The following PNLDC1 variants were observed in gnomAD, a reference collection of about 807,000 sequenced individuals.
The protein encoded by PNLDC1 is PARN like ribonuclease domain containing exonuclease 1, also known as poly(A)-specific ribonuclease PNLDC1.
A neutral mutation model predicts 82.0 loss-of-function variants in PNLDC1; 70 were observed. That is an observed-to-expected ratio of 0.85 (90% CI 0.70 to 1.04). The LOEUF (loss-of-function observed/expected upper bound fraction) is 1.04. PNLDC1 is among the 50% of genes least tolerant of loss of function. The pLI is 0.00. For synonymous variants in PNLDC1, 280 were observed against 249.3 expected (o/e 1.12, Z -1.16); for missense variants, 631 against 661.1 (o/e 0.95, Z 0.50).
At chr6:159,818,288 G>A (rs980235741) in intron 15 of PNLDC1, among the ~76,000 whole-genome samples, 7 of 152,202 alleles carry the variant, frequency 4.6e-5, no homozygotes, top group African/African-American at 9.7e-5. Flanking sequence ...GCCTATTGCT[G>A]TTTGTCACCA....
intron 16 of PNLDC1, 121 bp from the exon 17 acceptor site, chr6:159,818,821 ATCCT>A: frequency 9.5e-6 from 12 of 1,260,526 alleles, no homozygotes; most frequent in Non-Finnish European, 1.3e-5. Context: ...ACATGGACTC[ATCCT>A]TCCTTCTCTT....
rs772619096 is a variant in PNLDC1, at chr6:159,809,167, A to G, written c.783+9A>G. ...TGGTGAAAGCCCAGAAGGTAGGAAA[A>G]CATGTCTCTTTTCTTGGCCTAAAGG... On this transcript the variant is annotated intron_variant, in intron 9 of 18. Transcript: ENST00000392167. 6.2e-7 allele frequency: 1 copy of G among 1,613,330 alleles called. No homozygotes were observed. The highest frequency in any genetic ancestry group is 1.1e-5 in the South Asian group (1 of 90,924).
chr6:159,811,583 G>C, intron 10 of PNLDC1, 118 bp from the exon 11 acceptor site: 1 of 739,026 alleles, frequency 1.4e-6, no homozygotes, highest in South Asian at 1.7e-5. Context: ...TTCAATTCCT[G>C]TTTTGTTTCA....
At position 159,816,539 on chromosome 6, in the gene PNLDC1, T is replaced by G. The variant is rs1350835048; in HGVS notation, c.1061-4T>G. On this transcript the variant is annotated splice_polypyrimidine_tract_variant and splice_region_variant and intron_variant, in intron 13 of 18. Coordinates refer to ENST00000392167, the MANE Select transcript of PNLDC1 (RefSeq NM_001271862.2). ...CTCTGTCCTCCTGGTGGAAAATGCCTCAGTTGAGACAAAGTGCCCCCACGA... is the reference window on the plus strand; with the variant it reads ...CTCTGTCCTCCTGGTGGAAAATGCCGCAGTTGAGACAAAGTGCCCCCACGA... 6.2e-7 allele frequency: 1 copy of G among 1,613,558 alleles called. No homozygotes were observed. Among genetic ancestry groups the G allele is most frequent in the South Asian group, 1.1e-5 (1 of 91,074 alleles).
chr6:159,806,816 G>A (rs1377811008), intron 7 of PNLDC1, among the ~76,000 whole-genome samples: 3 of 151,514 alleles, frequency 2.0e-5, no homozygotes, highest in Non-Finnish European at 2.9e-5. Context: ...CATTCCTTAG[G>A]TGTGTGCCAA....
At chr6:159,811,872 G>GT (rs375968666) in intron 11 of PNLDC1, 86 bp downstream of exon 11, 25 of 998,974 alleles carry the variant, frequency 2.5e-5, no homozygotes, top group African/African-American at 2.3e-4. Context: ...TTTTTCTTGT[G>GT]TTTTTTTGTT....
chr6:159,800,627 T>A (rs1562494415), intron 1 of PNLDC1, 145 bp from the exon 2 acceptor site: 3 of 1,594,992 alleles, frequency 1.9e-6, no homozygotes, highest in Non-Finnish European at 2.6e-6. Context: ...CTTGCCTTGG[T>A]TCCTCCATTT....
intron 12 of PNLDC1, among the ~76,000 whole-genome samples, chr6:159,815,477 T>C (rs542652225): frequency 2.0e-4 from 30 of 152,324 alleles, no homozygotes; most frequent in African/African-American, 6.0e-4. Context: ...ACCTCCTCCT[T>C]TTCCTCACTG....
chr6:159,803,605 G>A (rs998480860), intron 4 of PNLDC1, among the ~76,000 whole-genome samples: 3 of 152,204 alleles, frequency 2.0e-5, no homozygotes, highest in Admixed American at 1.3e-4. Context: ...ACAGTGTGGT[G>A]TAATGAAAGT....
rs375228063 is a variant in PNLDC1 at position 159,817,000 on chromosome 6, G to T, written c.1115-109G>T. 7 of 1,167,652 alleles carry T rather than the reference G, an allele frequency of 6.0e-6. No homozygotes were observed. In the South Asian group the frequency reaches 8.7e-5, roughly 15 times the overall value. 72.3% of individuals were successfully genotyped at this position (1,167,652 alleles called of 1,614,324 possible). A position where few individuals can be genotyped will look rare whatever the true frequency, so the allele number is the denominator to read the frequency against. On this transcript the variant is annotated intron_variant, in intron 14 of 18. Coordinates refer to ENST00000392167, the MANE Select transcript of PNLDC1 (RefSeq NM_001271862.2). ...TTTTTGTTGGCAGTATGCCCCTGCC[G>T]TCCCTAGATTCTACATTTATTTCAG...
At chr6:159,803,424 T>C in intron 4 of PNLDC1, 114 bp downstream of exon 4, 7 of 914,268 alleles carry the variant, frequency 7.7e-6, no homozygotes, top group South Asian at 5.7e-5. Flanking sequence ...TCTTCCGTAT[T>C]CTCTCCTGTG....
chr6:159,813,175 T>C (rs1224958457), intron 11 of PNLDC1, among the ~76,000 whole-genome samples: 1 of 152,144 alleles, frequency 6.6e-6, no homozygotes, highest in African/African-American at 2.4e-5. Context: ...CCAGAGGCTG[T>C]TATTATTTGT....
chr6:159,809,940 C>T, intron 9 of PNLDC1, 86 bp from the exon 10 acceptor site: 1 of 1,143,218 alleles, frequency 8.7e-7, no homozygotes, highest in East Asian at 2.3e-5. Flanking sequence ...GGTTCTAACA[C>T]TATATCTTTT....
At chr6:159,802,093 GGCC>G (rs1370573744) in intron 3 of PNLDC1, among the ~76,000 whole-genome samples, 1 of 152,192 alleles carries the variant, frequency 6.6e-6, no homozygotes, top group Non-Finnish European at 1.5e-5. Flanking sequence ...TCACCATGTT[GGCC>G]AGGCTGGTCA....
In PNLDC1 at chr6:159,817,161, CT is replaced by C. The variant is rs1472997177; in HGVS notation, c.1157+13del. Reference sequence around the variant, plus strand: ...TACAGAAGATATACCAGTAAGTGTTCTTTCTTTTCATCCTACTGTTCAATCG... The same window carrying C: ...TACAGAAGATATACCAGTAAGTGTTCTTCTTTTCATCCTACTGTTCAATCG... On this transcript the variant is annotated intron_variant, in intron 15 of 18. Transcript: ENST00000392167. The C allele has an allele frequency of 2.5e-6, 4 of 1,608,872 alleles. No individual in the cohort carries two copies. Among genetic ancestry groups the C allele is most frequent in the Non-Finnish European group, 3.4e-6 (4 of 1,175,538 alleles).
intron 7 of PNLDC1, among the ~76,000 whole-genome samples, chr6:159,807,403 A>G (rs1781487600): frequency 6.6e-6 from 1 of 151,872 alleles, no homozygotes; most frequent in South Asian, 2.1e-4. Flanking sequence ...CAAAGGAAAA[A>G]AAAAAGCCTG....
Position 159,820,618 on chromosome 6 carries a change from G to T in PNLDC1, c.*101G>T. ...TCAGATTCTGTTTGCAGATGGATCT[G>T]TTTGGTCTTTTCTAGAAATTCTGTT... is the stretch of plus-strand genomic sequence containing the variant. On this transcript the variant is annotated 3_prime_UTR_variant, in exon 19 of 19. Coordinates refer to ENST00000392167, the MANE Select transcript of PNLDC1 (RefSeq NM_001271862.2). 1 of 1,150,976 alleles carries T rather than the reference G, an allele frequency of 8.7e-7. No individual in the cohort carries two copies. Among genetic ancestry groups the T allele is most frequent in the Non-Finnish European group, 1.3e-6 (1 of 769,172 alleles). The allele number at this position is 1,150,976 out of a possible 1,614,324, so 71.3% of individuals were successfully genotyped here.
At chr6:159,800,503 C>CA (rs1781201856) in intron 1 of PNLDC1, 120 bp downstream of exon 1, 2 of 1,327,694 alleles carry the variant, frequency 1.5e-6, no homozygotes, top group African/African-American at 2.9e-5. Flanking sequence ...TCGGGAAGGA[C>CA]AGGGGGGCTT....
rs1265483002 is a variant in PNLDC1 at position 159,800,710 on chromosome 6, A to C, written c.77-62A>C. ...GTGCCTTGGCCGCCTGCAGATCTAC[A>C]GTGTGAGGAGTGCTGGCGATGTTCT... On this transcript the variant is annotated intron_variant, in intron 1 of 18. Coordinates refer to ENST00000392167, the MANE Select transcript of PNLDC1 (RefSeq NM_001271862.2). 2.5e-6 allele frequency: 4 copies of C among 1,614,152 alleles called. No individual in the cohort carries two copies. The South Asian group carries it at 4.4e-5, about 18-fold the overall frequency.
Sources: gnomAD v4.1 joint callset for allele counts (sites outside exome capture counted in the v4.1 genomes callset) on GRCh38, gnomAD v4.1.1 for gene constraint, MANE v1.5 for transcripts, NCBI Gene and HGNC (gene_info 2026-07-23, HGNC 2026-07-21) for gene names.